The following ADAMTS17 variants were observed in gnomAD, a reference collection of about 807,000 sequenced individuals.
ADAMTS17 encodes the protein ADAM metallopeptidase with thrombospondin type 1 motif 17, also known as A disintegrin and metalloproteinase with thrombospondin motifs 17.
Under a neutral mutation model 141.5 loss-of-function variants are expected in ADAMTS17, and 113 were observed. The ratio of observed to expected loss-of-function variants is 0.80; its 90% CI spans 0.69 to 0.93. The LOEUF (loss-of-function observed/expected upper bound fraction) is 0.93. Among genes scored for constraint, ADAMTS17 ranks in the 40% least tolerant of loss-of-function variants. The pLI, the probability that ADAMTS17 is intolerant of heterozygous loss-of-function variation, is 0.00. For missense variants in ADAMTS17, 1,659 were observed against 1,517.9 expected (o/e 1.09, Z -1.54); for synonymous variants, 768 against 630.6 (o/e 1.22, Z -3.27).
chr15:100,213,806 C>A (rs751194196), intron 7 of ADAMTS17, among the ~76,000 whole-genome samples: 6 of 152,244 alleles, frequency 3.9e-5, no homozygotes, highest in Non-Finnish European at 8.8e-5. Flanking sequence ...CCCTCTCCTG[C>A]ACCTGGGAGC....
chr15:100,133,011 G>T (rs76284562), intron 11 of ADAMTS17, among the ~76,000 whole-genome samples: 1 of 152,346 alleles, frequency 6.6e-6, no homozygotes, highest in East Asian at 1.9e-4. Flanking sequence ...TTAAGTAAAT[G>T]ATACTTGTAT....
At chr15:100,223,947 G>A (rs1057160715) in intron 7 of ADAMTS17, among the ~76,000 whole-genome samples, 4 of 152,136 alleles carry the variant, frequency 2.6e-5, no homozygotes, top group Admixed American at 2.6e-4. Flanking sequence ...AGAACTTGGA[G>A]TCCAGTGTTC....
In ADAMTS17 at chr15:100,159,321, G is replaced by A. The variant is rs746796570; in HGVS notation, c.1182-4001C>T. Among the ~76,000 whole-genome samples, 216 of 152,176 alleles carry A rather than the reference G, an allele frequency of 1.4e-3. 5 individuals carry two copies. Among genetic ancestry groups the A allele is most frequent in the South Asian group, 1.9e-3 (9 of 4,826 alleles). ...AATTCTGCGATATGCAACAACATGG[G>A]TGAACCTTAAGGACTTTATGTTAGG... On this transcript the variant is annotated intron_variant, in intron 8 of 21. Coordinates refer to ENST00000268070, the MANE Select transcript of ADAMTS17 (RefSeq NM_139057.4).
intron 8 of ADAMTS17, among the ~76,000 whole-genome samples, chr15:100,187,469 C>T (rs571755083): frequency 2.6e-4 from 39 of 152,258 alleles, no homozygotes; most frequent in African/African-American, 7.2e-4. Flanking sequence ...AGGCTCAACC[C>T]GCAAGAGGTG....
chr15:100,242,767 A>G (rs1013428231), intron 7 of ADAMTS17, among the ~76,000 whole-genome samples: 1 of 152,272 alleles, frequency 6.6e-6, no homozygotes, highest in Non-Finnish European at 1.5e-5. Flanking sequence ...GCTAGAAAAT[A>G]AAATTCACAA....
At chr15:100,191,978 C>T (rs1473922137) in intron 8 of ADAMTS17, among the ~76,000 whole-genome samples, 1 of 152,128 alleles carries the variant, frequency 6.6e-6, no homozygotes, top group African/African-American at 2.4e-5. Flanking sequence ...CATTGCATGC[C>T]TGTATCAAAG....
intron 6 of ADAMTS17, among the ~76,000 whole-genome samples, chr15:100,258,673 A>ACCAGGTCC (rs1382588289): frequency 4.1e-4 from 62 of 152,294 alleles, no homozygotes; most frequent in Middle Eastern, 3.4e-3. Context: ...GGTCCCTCCC[A>ACCAGGTCC]CAACATGTGG....
chr15:100,227,259 G>C (rs1028731377), intron 7 of ADAMTS17, among the ~76,000 whole-genome samples: 1 of 152,170 alleles, frequency 6.6e-6, no homozygotes, highest in African/African-American at 2.4e-5. Flanking sequence ...CCAAATCAAA[G>C]TGGGTTCACC....
chr15:100,238,585 T>C (rs532745908), intron 7 of ADAMTS17, among the ~76,000 whole-genome samples: 13 of 152,274 alleles, frequency 8.5e-5, no homozygotes, highest in African/African-American at 3.1e-4. Context: ...ACGATGGGAA[T>C]TTAATACCTG....
chr15:100,129,771 G>C (rs1396162151), intron 12 of ADAMTS17: 1 of 152,766 alleles, frequency 6.5e-6, no homozygotes, highest in Non-Finnish European at 1.5e-5. Context: ...GTCATGCTGG[G>C]ATTTGAAGAT....
At position 99,993,953 on chromosome 15, in the gene ADAMTS17, G is replaced by C. The variant is rs1037391605; in HGVS notation, c.2797-753C>G. 6.6e-6 allele frequency among the ~76,000 whole-genome samples: 1 copy of C among 152,164 alleles called. No individual in the cohort carries two copies. The highest frequency in any genetic ancestry group is 6.5e-5 in the Admixed American group (1 of 15,286). ...AGGATTCCCAGCAGCAAGAAGGAGC[G>C]AAGAGGCAGGGGGCATGACAGGGTG... On this transcript the variant is annotated intron_variant, in intron 19 of 21. Coordinates refer to ENST00000268070, the MANE Select transcript of ADAMTS17 (RefSeq NM_139057.4). The surrounding 1 kb of genome is among the most constrained non-coding windows in gnomAD (Gnocchi z 4.3).
At chr15:99,974,709 C>T (rs904737629) in intron 21 of ADAMTS17, 147 bp from the exon 22 acceptor site, 1 of 1,086,746 alleles carries the variant, frequency 9.2e-7, no homozygotes, top group Non-Finnish European at 1.4e-6. Context: ...GGCCATGCCT[C>T]CTGCCAGGGC....
At chr15:100,145,223 G>T (rs1596550904) in intron 10 of ADAMTS17, among the ~76,000 whole-genome samples, 1 of 152,170 alleles carries the variant, frequency 6.6e-6, no homozygotes, top group South Asian at 2.1e-4. Flanking sequence ...CCAGTGAGGG[G>T]CTTACCAGTT....
At chr15:100,037,615 C>T (rs1315691649) in intron 18 of ADAMTS17, among the ~76,000 whole-genome samples, 2 of 152,032 alleles carry the variant, frequency 1.3e-5, no homozygotes, top group Non-Finnish European at 2.9e-5. Flanking sequence ...CACCATGTTG[C>T]CCAGGTTGGT....
intron 14 of ADAMTS17, among the ~76,000 whole-genome samples, chr15:100,101,361 C>T (rs1459628634): frequency 6.6e-6 from 1 of 152,246 alleles, no homozygotes; most frequent in Admixed American, 6.5e-5. Flanking sequence ...CAGGGATCCT[C>T]TTGGTCCTGC....
At chr15:100,034,276 G>T (rs1418985426) in intron 18 of ADAMTS17, among the ~76,000 whole-genome samples, 1 of 152,254 alleles carries the variant, frequency 6.6e-6, no homozygotes, top group Non-Finnish European at 1.5e-5. Flanking sequence ...AGAGACCATG[G>T]AGGATTCAGA....
chr15:100,281,489 G>C (rs185179122), intron 3 of ADAMTS17, 88 bp from the exon 4 acceptor site: 3 of 1,511,032 alleles, frequency 2.0e-6, no homozygotes, highest in Non-Finnish European at 2.7e-6. Context: ...AAGCCTGCCC[G>C]AGAGAGTGGT....
At chr15:100,222,626 T>C (rs969642056) in intron 7 of ADAMTS17, among the ~76,000 whole-genome samples, 1 of 152,076 alleles carries the variant, frequency 6.6e-6, no homozygotes, top group Admixed American at 6.5e-5. Flanking sequence ...CCAACATCCC[T>C]GGAGGGCTGG....
chr15:99,983,224 C>G (rs1157162290), intron 20 of ADAMTS17, among the ~76,000 whole-genome samples: 1 of 152,180 alleles, frequency 6.6e-6, no homozygotes, highest in Non-Finnish European at 1.5e-5. Flanking sequence ...GGCTTACGTA[C>G]GAGCTTGTTA....
Sources: allele counts gnomAD v4.1 joint callset (sites outside exome capture counted in the v4.1 genomes callset), GRCh38; gene constraint gnomAD v4.1.1; non-coding constraint Gnocchi (gnomAD v3.1); transcripts MANE v1.5; gene names NCBI Gene and HGNC (gene_info 2026-07-23, HGNC 2026-07-21).